The following ROS1 variants were observed in gnomAD, a reference collection of about 807,000 sequenced individuals.
The protein encoded by ROS1 is proto-oncogene tyrosine-protein kinase ROS.
Under a neutral mutation model 273.5 loss-of-function variants are expected in ROS1, and 263 were observed. The observed-to-expected ratio is 0.96, with a 90% CI of 0.87 to 1.06. The LOEUF is 1.06. Among genes scored for constraint, ROS1 ranks in the 50% least tolerant of loss-of-function variants. The pLI is 0.00. For synonymous variants in ROS1, 1,008 were observed against 954.1 expected (o/e 1.06, Z -1.04); for missense variants, 2,833 against 2,751.1 (o/e 1.03, Z -0.67).
chr6:117,315,539 C>T (rs1013528), intron 39 of ROS1, among the ~76,000 whole-genome samples: 56,482 of 151,624 alleles, frequency 0.37, 10,744 homozygotes, highest in Middle Eastern at 0.43. Context: ...ATTGTAGAAG[C>T]GAGGAAAGAA....
In ROS1 at chr6:117,379,103, G is replaced by A. The variant is rs1562337414; in HGVS notation, c.2538C>T (p.Asp846=). The part of the protein sequence containing the change: ...SDGLLYWLVQ[D]SQCIHLYTAV... ...CTGTGTACAGGTGAATACATTGACT[G>A]TCTTGAACCAACCAATACAGGAGCC... The change falls in exon 18 of 44, where the codon GAC becomes GAT. Residue 846 remains aspartate (D), a synonymous_variant. Coordinates refer to ENST00000368507, the MANE Select transcript of ROS1 (RefSeq NM_001378902.1). 6.2e-7 allele frequency: 1 copy of A among 1,613,374 alleles called. No individual in the cohort carries two copies. Among genetic ancestry groups the A allele is most frequent in the Non-Finnish European group, 8.5e-7 (1 of 1,179,414 alleles).
intron 27 of ROS1, among the ~76,000 whole-genome samples, chr6:117,351,126 G>A (rs1778822350): frequency 6.6e-6 from 1 of 152,168 alleles, no homozygotes. Context: ...CGGTGGTAAG[G>A]TGTAGGGGAA....
chr6:117,394,740 T>C lies in ROS1; in HGVS notation c.884-2A>G. On this transcript the variant is annotated splice_acceptor_variant, in intron 9 of 43. Transcript: ENST00000368507. LOFTEE classifies it high-confidence loss of function. ...AGAGCCACTGTTCCTCTTGTTGAAC[T>C]GAAAAAAACAACACAATTTGCAGAC... 6.2e-7 allele frequency: 1 copy of C among 1,603,606 alleles called. No individual in the cohort carries two copies. Among genetic ancestry groups the C allele is most frequent in the Non-Finnish European group, 8.5e-7 (1 of 1,176,254 alleles).
intron 18 of ROS1, among the ~76,000 whole-genome samples, chr6:117,368,280 A>AT (rs572613638): frequency 9.2e-4 from 138 of 149,204 alleles, no homozygotes; most frequent in African/African-American, 2.6e-3. Context: ...TGATAGTTTG[A>AT]TTTTTTTTTT....
rs558256028 is a variant in ROS1, at chr6:117,365,733, A to G, written c.2806T>C (p.Ser936Pro). ...TSLKPLPGNFSFTPKVIPDSV... is the reference protein window; with the variant it reads ...TSLKPLPGNFPFTPKVIPDSV... ...TCTGGAATAACCTTAGGGGTAAAGG[A>G]AAAGTTCCCTACAGGATGAAACAAA... Residue 936 changes from serine to proline, a missense_variant, in exon 20 of 44, where the codon TCC becomes CCC. Transcript: ENST00000368507. The G allele has an allele frequency of 2.5e-6, 4 of 1,571,022 alleles. No individual in the cohort carries two copies. The highest frequency in any genetic ancestry group is 2.0e-5 in the Admixed American group (1 of 50,050).
chr6:117,328,443 A>G, intron 33 of ROS1: 1 of 335,604 alleles, frequency 3.0e-6, no homozygotes, highest in Non-Finnish European at 5.7e-6. Context: ...AATGTATTTC[A>G]CTCTGCATGA....
At chr6:117,402,364 C>T (rs1582858728) in intron 7 of ROS1, among the ~76,000 whole-genome samples, 1 of 152,076 alleles carries the variant, frequency 6.6e-6, no homozygotes, top group African/African-American at 2.4e-5. Context: ...TCCTTGCCTC[C>T]TTTAAGTCTT....
intron 39 of ROS1, among the ~76,000 whole-genome samples, chr6:117,315,554 G>A (rs963581638): frequency 5.3e-5 from 8 of 152,066 alleles, no homozygotes; most frequent in South Asian, 2.1e-4. Context: ...AAAGAAAGAT[G>A]TAGTGGCTTT....
intron 42 of ROS1, among the ~76,000 whole-genome samples, chr6:117,302,840 G>C (rs955695536): frequency 2.0e-5 from 3 of 152,242 alleles, no homozygotes; most frequent in Non-Finnish European, 4.4e-5. Context: ...TCCCAAACTA[G>C]GGGTGACTGA....
chr6:117,389,285 A>T lies in ROS1; in HGVS notation c.1786+65T>A. On this transcript the variant is annotated intron_variant, in intron 13 of 43. Coordinates refer to ENST00000368507, the MANE Select transcript of ROS1 (RefSeq NM_001378902.1). ...GCTCTCAAAATTGAATCACAACGCC[A>T]AGCAGTTCAAACCTTCCTCTTATTC... 5 of 1,514,822 alleles carry T rather than the reference A, an allele frequency of 3.3e-6. No individual in the cohort carries two copies. The South Asian group carries it at 6.7e-5, about 20-fold the overall frequency. The allele number at this position is 1,514,822 out of a possible 1,614,324, so 93.8% of individuals were successfully genotyped here. A position where few individuals can be genotyped will look rare whatever the true frequency, so the allele number is the denominator to read the frequency against.
chr6:117,384,529 T>A (rs1772408943), intron 16 of ROS1, among the ~76,000 whole-genome samples: 1 of 152,220 alleles, frequency 6.6e-6, no homozygotes. Context: ...AAATGATTGC[T>A]GGACAAATAA....
intron 18 of ROS1, among the ~76,000 whole-genome samples, chr6:117,374,273 G>A (rs1272915845): frequency 6.6e-6 from 1 of 152,136 alleles, no homozygotes; most frequent in Non-Finnish European, 1.5e-5. Context: ...AAACAGTATG[G>A]TACTTGTATA....
rs1408958182 is a variant in ROS1, at chr6:117,359,839, A to C, written c.3603T>G (p.Leu1201=). The change falls in exon 24 of 44, where the codon CTT becomes CTG. Residue 1201 remains leucine (L), a synonymous_variant. Transcript: ENST00000368507. The stretch of plus-strand genomic sequence containing the variant: ...AGCTAGAGCGATTGTGCAAGTGCAG[A>C]AGAAAGAGTGAGTCCCCTTCAGCAT... ...GYYAEGDSLF[L]LHLHNRSSSE... is the part of the protein sequence containing the mutation. 6.2e-7 allele frequency: 1 copy of C among 1,613,866 alleles called. No individual in the cohort carries two copies. Among genetic ancestry groups the C allele is most frequent in the African/African-American group, 1.3e-5 (1 of 74,912 alleles).
chr6:117,358,021 G>A lies in ROS1; in HGVS notation c.3634-12C>T, dbSNP rs370387623. The A allele has an allele frequency of 1.6e-4, 254 of 1,577,848 alleles. No individual in the cohort carries two copies. Among genetic ancestry groups the A allele is most frequent in the Non-Finnish European group, 2.1e-4 (238 of 1,148,258 alleles). ...GAATCTTGGAAAAGCTTAACAACAG[G>A]TAGAGAACACAGCCAAGAAGAGAGT... On this transcript the variant is annotated splice_polypyrimidine_tract_variant and intron_variant, in intron 24 of 43. Transcript: ENST00000368507.
rs114583445 is a variant in ROS1 at position 117,375,236 on chromosome 6, G to T, written c.2582+3823C>A. On this transcript the variant is annotated intron_variant, in intron 18 of 43. Transcript: ENST00000368507. The stretch of plus-strand genomic sequence containing the variant: ...ATTCTCACTCATAAGTGGGAGTTAG[G>T]CTGTGAGGATGCAAAGGCATAAGAA... Among the ~76,000 whole-genome samples the T allele has an allele frequency of 2.6e-3, 398 of 152,306 alleles. 3 individuals are homozygous for T. Among genetic ancestry groups the T allele is most frequent in the African/African-American group, 9.3e-3 (385 of 41,568 alleles).
At chr6:117,384,162 A>G (rs1397988619) in intron 16 of ROS1, among the ~76,000 whole-genome samples, 1 of 152,158 alleles carries the variant, frequency 6.6e-6, no homozygotes, top group Non-Finnish European at 1.5e-5. Flanking sequence ...AAACTAACCT[A>G]TTTGAGGGAG....
Position 117,316,525 on chromosome 6 carries a change from C to A in ROS1, c.6117+618G>T, listed in dbSNP as rs184841532. ...ACCCCCAGTCCTGTCCGCCATTCCA[C>A]AGTATTTCCAGGGTTCATAATGTGC... On this transcript the variant is annotated intron_variant, in intron 39 of 43. Coordinates refer to ENST00000368507, the MANE Select transcript of ROS1 (RefSeq NM_001378902.1). Among the ~76,000 whole-genome samples the A allele has an allele frequency of 2.2e-4, 34 of 152,182 alleles. 1 individual carries two copies. The highest frequency in any genetic ancestry group is 4.3e-4 in the Non-Finnish European group (29 of 68,000).
intron 17 of ROS1, among the ~76,000 whole-genome samples, chr6:117,381,173 G>T (rs1772098359): frequency 6.7e-6 from 1 of 148,952 alleles, no homozygotes; most frequent in Admixed American, 6.7e-5. Flanking sequence ...GAGAGGATTT[G>T]CAGAGGACTG....
chr6:117,418,235 T>C (rs867771599), intron 2 of ROS1, among the ~76,000 whole-genome samples: 1 of 136,250 alleles, frequency 7.3e-6, no homozygotes, highest in Admixed American at 7.3e-5. Context: ...GCCACACAAT[T>C]ACATAGAGAC....
Sources: allele counts gnomAD v4.1 joint callset (sites outside exome capture counted in the v4.1 genomes callset), GRCh38; gene constraint gnomAD v4.1.1; transcripts MANE v1.5; gene names NCBI Gene and HGNC (gene_info 2026-07-23, HGNC 2026-07-21).